DPP8: variants seen among roughly 807,000 people sequenced by gnomAD.
DPP8 encodes DPP VIII.
Under a neutral mutation model 107.5 loss-of-function variants are expected in DPP8, and 31 were observed. The ratio of observed to expected loss-of-function variants is 0.29; its 90% CI spans 0.22 to 0.39. DPP8 has a LOEUF of 0.39. Ranked by LOEUF, DPP8 falls within the 10% of genes least tolerant of loss-of-function variation. DPP8 has a pLI of 1.00. For synonymous variants in DPP8, 381 were observed against 356.6 expected (o/e 1.07, Z -0.77); for missense variants, 842 against 1,076.1 (o/e 0.78, Z 3.04).
intron 7 of DPP8, 132 bp from the exon 8 acceptor site, chr15:65,485,292 C>T (rs905677549): frequency 1.6e-6 from 1 of 638,768 alleles, no homozygotes. Flanking sequence ...GCCTGTAATC[C>T]CAGCACTTTG....
At chr15:65,488,877 T>C (rs1353770766) in intron 6 of DPP8, among the ~76,000 whole-genome samples, 4 of 152,162 alleles carry the variant, frequency 2.6e-5, no homozygotes, top group Non-Finnish European at 5.9e-5. Context: ...TTTTATCCTA[T>C]CCATTCATAT....
intron 5 of DPP8, among the ~76,000 whole-genome samples, chr15:65,496,633 T>G (rs1047981618): frequency 6.6e-6 from 1 of 152,126 alleles, no homozygotes; most frequent in African/African-American, 2.4e-5. Context: ...AATAACTAAG[T>G]AGGCTCTCCA....
chr15:65,513,459 G>A (rs538658429), intron 1 of DPP8, among the ~76,000 whole-genome samples: 79 of 152,224 alleles, frequency 5.2e-4, no homozygotes, highest in African/African-American at 1.9e-3. Flanking sequence ...TGATCCACCC[G>A]CCTCGGCCTC....
At chr15:65,516,822 G>A (rs775112971) in intron 1 of DPP8, 1 of 152,290 alleles carries the variant, frequency 6.6e-6, no homozygotes, top group African/African-American at 2.4e-5. Flanking sequence ...TAGCACAGAG[G>A]GGGCAAAGAC....
chr15:65,505,982 A>T (rs1382672529), intron 3 of DPP8, among the ~76,000 whole-genome samples: 1 of 151,326 alleles, frequency 6.6e-6, no homozygotes, highest in Non-Finnish European at 1.5e-5. Flanking sequence ...TTGTTATAAA[A>T]GTTTTTTTTT....
In DPP8 at chr15:65,460,369, G is replaced by A. The variant is rs573533260; in HGVS notation, c.1971+3392C>T. 2.0e-5 allele frequency among the ~76,000 whole-genome samples: 3 copies of A among 152,304 alleles called. No individual in the cohort carries two copies. In the East Asian group the frequency reaches 5.8e-4, roughly 29 times the overall value. ...GAAGCAGGAGAATCGCTTGAACCCA[G>A]GAGGTGGAGGAGGCAGTGAGCTGAG... On this transcript the variant is annotated intron_variant, in intron 15 of 19. Coordinates refer to ENST00000300141, the MANE Select transcript of DPP8 (RefSeq NM_130434.5).
intron 2 of DPP8, among the ~76,000 whole-genome samples, chr15:65,510,587 G>A (rs2070645130): frequency 6.6e-6 from 1 of 151,854 alleles, no homozygotes; most frequent in Non-Finnish European, 1.5e-5. Flanking sequence ...CATCCAGGCT[G>A]GAGTGCAGTG....
intron 5 of DPP8, among the ~76,000 whole-genome samples, chr15:65,493,874 A>C (rs1216041890): frequency 6.6e-6 from 1 of 152,126 alleles, no homozygotes; most frequent in Non-Finnish European, 1.5e-5. Flanking sequence ...TTCACTTAGA[A>C]ACCTATTGTG....
At position 65,482,018 on chromosome 15, in the gene DPP8, A is replaced by ATG. The variant is rs202150747; in HGVS notation, c.1018-405_1018-404dup. ...AATTATATTTTATTTATACATATAT[A>ATG]TGTGTGTGTGTGTGTATATATATAT... is the stretch of plus-strand genomic sequence containing the variant. On this transcript the variant is annotated intron_variant, in intron 8 of 19. Transcript: ENST00000300141. Among the ~76,000 whole-genome samples, 898 of 150,744 alleles carry ATG rather than the reference A, an allele frequency of 6.0e-3. 6 individuals are homozygous for ATG. The highest frequency in any genetic ancestry group is 0.014 in the African/African-American group (586 of 41,122).
chr15:65,450,109 A>G (rs1379009630), intron 19 of DPP8, among the ~76,000 whole-genome samples: 1 of 152,080 alleles, frequency 6.6e-6, no homozygotes, highest in Non-Finnish European at 1.5e-5. Context: ...CTGGGATTAC[A>G]GGCATGAGCC....
intron 15 of DPP8, among the ~76,000 whole-genome samples, chr15:65,461,420 C>G (rs1262390271): frequency 6.6e-6 from 1 of 152,110 alleles, no homozygotes. Context: ...CAGTTATGAG[C>G]CACTACACCC....
At chr15:65,488,820 G>A (rs1171905872) in intron 6 of DPP8, among the ~76,000 whole-genome samples, 1 of 152,144 alleles carries the variant, frequency 6.6e-6, no homozygotes, top group Non-Finnish European at 1.5e-5. Flanking sequence ...TTCTCAGAGA[G>A]TGAGATACTT....
At chr15:65,463,241 A>G (rs2065062851) in intron 15 of DPP8, among the ~76,000 whole-genome samples, 1 of 152,194 alleles carries the variant, frequency 6.6e-6, no homozygotes, top group South Asian at 2.1e-4. Context: ...ACTGCAAATT[A>G]AGGAACTGCC....
chr15:65,469,079 G>A (rs1331974014), intron 12 of DPP8, among the ~76,000 whole-genome samples: 3 of 151,994 alleles, frequency 2.0e-5, no homozygotes, highest in Non-Finnish European at 2.9e-5. Context: ...AGGTTCAAGC[G>A]ATTCTCCTGC....
intron 3 of DPP8, among the ~76,000 whole-genome samples, chr15:65,506,783 T>G (rs903819507): frequency 6.6e-6 from 1 of 150,432 alleles, no homozygotes; most frequent in Non-Finnish European, 1.5e-5. Context: ...AAAATAAAGA[T>G]AAAATATTGG....
Position 65,445,886 on chromosome 15 carries a change from GT to G in DPP8, c.*997del, listed in dbSNP as rs2063480847. ...TTTTTGTTAAAACTACTTCTGCTTA[GT>G]TTTTAATCAGGCCCTCACCACCTCT... is the stretch of plus-strand genomic sequence containing the variant. On this transcript the variant is annotated 3_prime_UTR_variant, in exon 20 of 20. Coordinates refer to ENST00000300141, the MANE Select transcript of DPP8 (RefSeq NM_130434.5). 6.6e-6 allele frequency: 1 copy of G among 151,980 alleles called. No homozygotes were observed. Among genetic ancestry groups the G allele is most frequent in the African/African-American group, 2.4e-5 (1 of 41,394 alleles). The allele number at this position is 151,980 out of a possible 1,614,324, so 9.4% of individuals were successfully genotyped here. A position where few individuals can be genotyped will look rare whatever the true frequency, so the allele number is the denominator to read the frequency against.
At chr15:65,504,776 G>C (rs1270547571) in intron 3 of DPP8, among the ~76,000 whole-genome samples, 3 of 151,644 alleles carry the variant, frequency 2.0e-5, no homozygotes, top group Non-Finnish European at 4.4e-5. Flanking sequence ...GAGCTCAGGA[G>C]TTTGAGACCA....
intron 10 of DPP8, among the ~76,000 whole-genome samples, chr15:65,479,884 A>G (rs1439068481): frequency 1.3e-5 from 2 of 149,952 alleles, no homozygotes; most frequent in African/African-American, 2.5e-5. Context: ...AAGAATTGGT[A>G]TATTTTGGTA....
rs1280304610 is a variant in DPP8 at position 65,466,895 on chromosome 15, G to A, written c.1690-82C>T. 29 of 1,443,198 alleles carry A rather than the reference G, an allele frequency of 2.0e-5. No individual in the cohort carries two copies. In the East Asian group the frequency reaches 6.4e-4, roughly 32 times the overall value. 89.4% of individuals were successfully genotyped at this position (1,443,198 alleles called of 1,614,324 possible). The stretch of plus-strand genomic sequence containing the variant: ...CTGTTACATCTGCACTAATGATATA[G>A]CAAGAGTATTATAAGAGACTATTTA... On this transcript the variant is annotated intron_variant, in intron 13 of 19. Transcript: ENST00000300141.
Sources: gnomAD v4.1 joint callset for allele counts (sites outside exome capture counted in the v4.1 genomes callset) on GRCh38, gnomAD v4.1.1 for gene constraint, MANE v1.5 for transcripts, NCBI Gene and HGNC (gene_info 2026-07-23, HGNC 2026-07-21) for gene names.